Variants in ATP5F1B observed in about 807,000 individuals in gnomAD.
ATP5F1B encodes the protein ATP synthase F(1) complex subunit beta, mitochondrial.
A neutral mutation model predicts 45.9 loss-of-function variants in ATP5F1B; 17 were observed. That is an observed-to-expected ratio of 0.37 (90% CI 0.25 to 0.56). The LOEUF is 0.56. Ranked by LOEUF, ATP5F1B falls within the 20% of genes least tolerant of loss-of-function variation. The pLI is 0.80. For missense variants in ATP5F1B, 387 were observed against 673.2 expected, an observed-to-expected ratio of 0.57 and a Z score of 4.70; for synonymous variants, 218 against 256.5, an observed-to-expected ratio of 0.85 and a Z score of 1.43.
chr12:56,643,989 T>C (rs1273094184), intron 3 of ATP5F1B, 31 bp from the exon 4 acceptor site: 1 of 1,607,404 alleles, frequency 6.2e-7, no homozygotes, highest in African/African-American at 1.3e-5. Context: ...ATAGTATCTA[T>C]TCACCTTGTT....
chr12:56,639,400 G>A (rs1436515251), intron 8 of ATP5F1B, 93 bp from the exon 9 acceptor site: 1 of 1,229,196 alleles, frequency 8.1e-7, no homozygotes, highest in African/African-American at 1.5e-5. Flanking sequence ...GGGCAGAGAA[G>A]GTGGTGGTGT....
chr12:56,639,063 C>T (rs772944609), intron 9 of ATP5F1B, 43 bp downstream of exon 9: 41 of 1,584,314 alleles, frequency 2.6e-5, no homozygotes, highest in Non-Finnish European at 3.3e-5. Flanking sequence ...TGGAATGGGA[C>T]CACAGCACAG....
rs750674096 is a variant in ATP5F1B, at chr12:56,639,188, C to A, written c.1407G>T (p.Gln469His). 1 of 1,613,902 alleles carries A rather than the reference C, an allele frequency of 6.2e-7. No homozygotes were observed. Among genetic ancestry groups the A allele is most frequent in the Non-Finnish European group, 8.5e-7 (1 of 1,179,854 alleles). Residue 469 changes from glutamine to histidine, a missense_variant, in exon 9 of 10, where the codon CAG (glutamine) becomes CAT (histidine). By Grantham distance (24) the Gln-to-His change is conservative. Coordinates refer to ENST00000262030, the MANE Select transcript of ATP5F1B (RefSeq NM_001686.4). ...TATGACCTGTGAAGACCTCAGCAAC[C>A]TGGAATGGCTGAGACAAGAAACGCT... ...KIQRFLSQPF[Q>H]VAEVFTGHMG...
At chr12:56,644,375 A>T (rs1951535169) in intron 3 of ATP5F1B, among the ~76,000 whole-genome samples, 1 of 106,934 alleles carries the variant, frequency 9.4e-6, no homozygotes, top group African/African-American at 4.5e-5. Flanking sequence ...TGGGGGGCCG[A>T]GGTGGGGGGG....
Position 56,639,162 on chromosome 12 carries a change from A to G in ATP5F1B, c.1433T>C (p.Met478Thr), listed in dbSNP as rs1592643574. 2.5e-6 allele frequency: 4 copies of G among 1,613,820 alleles called. No homozygotes were observed. The highest frequency in any genetic ancestry group is 3.4e-6 in the Non-Finnish European group (4 of 1,179,804). ...FQVAEVFTGH[M>T]GKLVPLKETI... ...CTCCTTCAGGGGTACCAGCTTCCCCATATGACCTGTGAAGACCTCAGCAAC... is the reference window on the plus strand; with the variant it reads ...CTCCTTCAGGGGTACCAGCTTCCCCGTATGACCTGTGAAGACCTCAGCAAC... The change falls in exon 9 of 10, where the codon ATG (methionine) becomes ACG (threonine). Residue 478 changes from methionine to threonine, a missense_variant. By Grantham distance (81) the Met-to-Thr change is moderately conservative (BLOSUM62 -1). This residue lies in a region of ATP5F1B where 154 missense variants were observed against 361.4 expected (regional missense o/e 0.43). Transcript: ENST00000262030.
intron 1 of ATP5F1B, among the ~76,000 whole-genome samples, 166 bp from the exon 2 acceptor site, chr12:56,645,519 C>T (rs953037075): frequency 1.2e-4 from 18 of 152,178 alleles, no homozygotes; most frequent in Admixed American, 3.9e-4. Flanking sequence ...ATCGATAAAG[C>T]GCCTGCACAG....
At chr12:56,639,887 AC>A in intron 8 of ATP5F1B, 92 bp downstream of exon 8, 1 of 1,380,022 alleles carries the variant, frequency 7.2e-7, no homozygotes, top group Non-Finnish European at 1.0e-6. Flanking sequence ...TTGCTCCAAA[AC>A]AAATCACTAA....
At chr12:56,644,705 G>T in intron 3 of ATP5F1B, 76 bp downstream of exon 3, 1 of 1,474,620 alleles carries the variant, frequency 6.8e-7, no homozygotes, top group South Asian at 1.4e-5. Flanking sequence ...TGCTTTAGGA[G>T]AACATGTCAC....
intron 5 of ATP5F1B, 171 bp downstream of exon 5, chr12:56,643,232 G>C (rs979028513): frequency 1.1e-5 from 6 of 542,720 alleles, no homozygotes; most frequent in African/African-American, 1.9e-5. Context: ...TGGAAGTTGG[G>C]GGGGAAAACA....
intron 1 of ATP5F1B, 30 bp downstream of exon 1, chr12:56,645,807 G>A (rs770140331): frequency 6.2e-7 from 1 of 1,601,960 alleles, no homozygotes; most frequent in African/African-American, 1.3e-5. Flanking sequence ...CGGCAAAATG[G>A]AACGTTAGCT....
intron 3 of ATP5F1B, 122 bp from the exon 4 acceptor site, chr12:56,644,080 TC>T (rs1951532602): frequency 6.4e-6 from 7 of 1,101,324 alleles, no homozygotes; most frequent in Middle Eastern, 2.9e-4. Context: ...CAGTCTTACC[TC>T]CCCTTTCTTA....
At chr12:56,639,877 T>G (rs1951499166) in intron 8 of ATP5F1B, 103 bp downstream of exon 8, 1 of 1,277,514 alleles carries the variant, frequency 7.8e-7, no homozygotes, top group Non-Finnish European at 1.1e-6. Context: ...TCAACTTTCC[T>G]TGCTCCAAAA....
At chr12:56,642,888 T>C (rs1951523173) in intron 5 of ATP5F1B, 57 bp from the exon 6 acceptor site, 1 of 1,578,738 alleles carries the variant, frequency 6.3e-7, no homozygotes, top group Non-Finnish European at 8.6e-7. Flanking sequence ...AGCCACATAC[T>C]GAAGGTTCCC....
chr12:56,645,401 G>A, intron 1 of ATP5F1B, 48 bp from the exon 2 acceptor site: 1 of 1,566,756 alleles, frequency 6.4e-7, no homozygotes, highest in Non-Finnish European at 8.7e-7. Context: ...GCCAGTTAAA[G>A]GTCATCGGAA....
chr12:56,639,004 A>T, intron 9 of ATP5F1B, 102 bp downstream of exon 9: 1 of 1,134,614 alleles, frequency 8.8e-7, no homozygotes, highest in Non-Finnish European at 1.2e-6. Flanking sequence ...TTTTTAAATT[A>T]AAAAATATAA....
chr12:56,640,394 A>G (rs1432942871), intron 7 of ATP5F1B, among the ~76,000 whole-genome samples: 1 of 151,846 alleles, frequency 6.6e-6, no homozygotes, highest in Non-Finnish European at 1.5e-5. Context: ...CACCCGGCTA[A>G]TTTTTTTGTA....
At position 56,643,944 on chromosome 12, in the gene ATP5F1B, T is replaced by A; in HGVS notation, c.500A>T (p.His167Leu). The change falls in exon 4 of 10, where the codon CAT (histidine) becomes CTT (leucine). Residue 167 changes from histidine (H) to leucine (L), a missense_variant. This residue lies in a region of ATP5F1B where 113 missense variants were observed against 168.0 expected (regional missense o/e 0.67). Transcript: ENST00000262030. ...PIKTKQFAPI[H>L]AEAPEFMEMS... ...TTCCATGAACTCTGGAGCCTCAGCA[T>A]GAATGGGAGCAAATCTGTAAAGGTA... 1 of 1,614,148 alleles carries A rather than the reference T, an allele frequency of 6.2e-7. No individual in the cohort carries two copies. The highest frequency in any genetic ancestry group is 8.5e-7 in the Non-Finnish European group (1 of 1,180,018).
chr12:56,639,679 G>A (rs1181814266), intron 8 of ATP5F1B, among the ~76,000 whole-genome samples: 1 of 151,634 alleles, frequency 6.6e-6, no homozygotes, highest in Non-Finnish European at 1.5e-5. Context: ...GCTGAGGCAG[G>A]AGAATCGCTT....
chr12:56,645,262 G>C lies in ATP5F1B; in HGVS notation c.219C>G (p.Val73=), dbSNP rs530728020. ...TTGGTGGTAGTCCCTCATCAAACTG[G>C]ACGTCCACCACTGCGCCAATGACCG... ...IVAVIGAVVD[V]QFDEGLPPIL... is the part of the protein sequence containing the mutation. The change falls in exon 2 of 10, where the codon GTC becomes GTG. Residue 73 remains valine, a synonymous_variant. Transcript: ENST00000262030. 9.9e-6 allele frequency: 16 copies of C among 1,614,224 alleles called. No homozygotes were observed. The highest frequency in any genetic ancestry group is 1.3e-5 in the Non-Finnish European group (15 of 1,180,034).
Sources: allele counts gnomAD v4.1 joint callset (sites outside exome capture counted in the v4.1 genomes callset), GRCh38; gene constraint gnomAD v4.1.1; regional missense constraint gnomAD v4.1.1; transcripts MANE v1.5; gene names NCBI Gene and HGNC (gene_info 2026-07-23, HGNC 2026-07-21).